The following ITGBL1 variants were observed in gnomAD, a reference collection of about 807,000 sequenced individuals.
ITGBL1 encodes the protein integrin subunit beta like 1, also known as integrin beta-like protein 1.
In ITGBL1, 51 loss-of-function variants were observed where a neutral mutation model predicts 68.5. The observed-to-expected ratio is 0.74, with a 90% CI of 0.59 to 0.94. The LOEUF (loss-of-function observed/expected upper bound fraction) is 0.94, where lower values mean the gene tolerates loss of function less well. Ranked by LOEUF, ITGBL1 falls within the 40% of genes least tolerant of loss-of-function variation. ITGBL1 has a pLI of 0.00. For missense variants in ITGBL1, 649 were observed against 647.4 expected, an observed-to-expected ratio of 1.00 and a Z score of -0.03; for synonymous variants, 209 against 227.3, an observed-to-expected ratio of 0.92 and a Z score of 0.72.
At chr13:101,657,730 C>T (rs895764222) in intron 7 of ITGBL1, among the ~76,000 whole-genome samples, 1 of 152,204 alleles carries the variant, frequency 6.6e-6, no homozygotes, top group African/African-American at 2.4e-5. Context: ...ATGTTGAACA[C>T]TACATGTTCC....
chr13:101,626,895 T>C (rs1302520014), intron 7 of ITGBL1, among the ~76,000 whole-genome samples: 1 of 152,172 alleles, frequency 6.6e-6, no homozygotes, highest in Admixed American at 6.6e-5. Context: ...AATTTAATCT[T>C]AGTGTTTCTT....
At chr13:101,658,251 C>G (rs1015169714) in intron 7 of ITGBL1, among the ~76,000 whole-genome samples, 10 of 152,226 alleles carry the variant, frequency 6.6e-5, no homozygotes, top group African/African-American at 2.4e-4. Flanking sequence ...TAAAATAAAT[C>G]ATTTTCAAAT....
chr13:101,680,549 T>C (rs1452229262), intron 7 of ITGBL1, among the ~76,000 whole-genome samples: 1 of 151,420 alleles, frequency 6.6e-6, no homozygotes, highest in Non-Finnish European at 1.5e-5. Flanking sequence ...TTTTTTTTCA[T>C]AGAAAAGTAC....
intron 3 of ITGBL1, among the ~76,000 whole-genome samples, chr13:101,569,123 C>T (rs1408968928): frequency 1.3e-5 from 2 of 152,010 alleles, no homozygotes; most frequent in Non-Finnish European, 2.9e-5. Context: ...CACACACACG[C>T]GCACGCGCGC....
chr13:101,539,697 A>G (rs900625352), intron 2 of ITGBL1, among the ~76,000 whole-genome samples: 3 of 151,376 alleles, frequency 2.0e-5, no homozygotes, highest in Non-Finnish European at 4.4e-5. Context: ...ATTTCTCCAC[A>G]TCCTCTCCAG....
At chr13:101,513,765 T>C (rs150609692) in intron 2 of ITGBL1, among the ~76,000 whole-genome samples, 83 of 152,180 alleles carry the variant, frequency 5.5e-4, no homozygotes, top group African/African-American at 1.9e-3. Context: ...GACCAACAAG[T>C]AATGAATTGT....
At chr13:101,675,205 T>A (rs1566786253) in intron 7 of ITGBL1, among the ~76,000 whole-genome samples, 2 of 152,174 alleles carry the variant, frequency 1.3e-5, no homozygotes, top group African/African-American at 4.8e-5. Flanking sequence ...TTTTTATCTT[T>A]TACTACTGTA....
At chr13:101,562,425 G>A (rs1001390651) in intron 2 of ITGBL1, among the ~76,000 whole-genome samples, 4 of 151,834 alleles carry the variant, frequency 2.6e-5, no homozygotes, top group South Asian at 2.1e-4. Flanking sequence ...ACTGAGACAC[G>A]ACTAATCTAT....
chr13:101,468,013 G>T (rs748302619), intron 2 of ITGBL1, among the ~76,000 whole-genome samples: 1 of 152,044 alleles, frequency 6.6e-6, no homozygotes, highest in Non-Finnish European at 1.5e-5. Context: ...TGAAAACGTG[G>T]TAAATGCATT....
At chr13:101,580,761 G>A (rs1249825999) in intron 5 of ITGBL1, among the ~76,000 whole-genome samples, 1 of 152,206 alleles carries the variant, frequency 6.6e-6, no homozygotes, top group African/African-American at 2.4e-5. Flanking sequence ...AAAGAGAGAG[G>A]TGGAAAATGG....
At chr13:101,551,328 A>G (rs1226465428) in intron 2 of ITGBL1, among the ~76,000 whole-genome samples, 1 of 152,204 alleles carries the variant, frequency 6.6e-6, no homozygotes. Context: ...TATATTTTGT[A>G]AAGAACAGGA....
At chr13:101,545,954 A>AT (rs1469016814) in intron 2 of ITGBL1, among the ~76,000 whole-genome samples, 3 of 152,224 alleles carry the variant, frequency 2.0e-5, no homozygotes, top group African/African-American at 7.2e-5. Flanking sequence ...ATAAAGAATA[A>AT]TTTTTTAAAA....
At chr13:101,579,470 A>C in intron 5 of ITGBL1, 43 bp downstream of exon 5, 1 of 1,593,310 alleles carries the variant, frequency 6.3e-7, no homozygotes, top group Non-Finnish European at 8.6e-7. Context: ...GGAGGCAAAC[A>C]AAGCTTTTAA....
At chr13:101,708,608 C>T (rs1222397165) in intron 9 of ITGBL1, among the ~76,000 whole-genome samples, 2 of 152,158 alleles carry the variant, frequency 1.3e-5, no homozygotes, top group Non-Finnish European at 2.9e-5. Flanking sequence ...TGTTTTGCCT[C>T]GTATGCAAGA....
intron 2 of ITGBL1, among the ~76,000 whole-genome samples, chr13:101,548,019 T>G (rs1384483789): frequency 1.3e-5 from 2 of 151,862 alleles, no homozygotes; most frequent in Non-Finnish European, 3.0e-5. Flanking sequence ...GTTACCATTT[T>G]AGATGTTTAA....
At chr13:101,474,128 C>T (rs1244312180) in intron 2 of ITGBL1, among the ~76,000 whole-genome samples, 3 of 152,282 alleles carry the variant, frequency 2.0e-5, no homozygotes, top group Non-Finnish European at 2.9e-5. Flanking sequence ...GTTAGAGGAT[C>T]AAGTGAATCC....
At chr13:101,553,759 G>A (rs992785856) in intron 2 of ITGBL1, among the ~76,000 whole-genome samples, 1 of 151,364 alleles carries the variant, frequency 6.6e-6, no homozygotes, top group South Asian at 2.1e-4. Flanking sequence ...TTCTCGGTGT[G>A]CCTGCCGCTG....
chr13:101,607,682 G>C (rs2030935271), intron 7 of ITGBL1, among the ~76,000 whole-genome samples: 1 of 151,932 alleles, frequency 6.6e-6, no homozygotes, highest in Admixed American at 6.6e-5. Flanking sequence ...AAATTATACA[G>C]GTGTGCTCTC....
chr13:101,516,023 T>C lies in ITGBL1; in HGVS notation c.317-51676T>C, dbSNP rs140955337. Among the ~76,000 whole-genome samples, 534 of 152,242 alleles carry C rather than the reference T, an allele frequency of 3.5e-3. 3 individuals are homozygous for C. Among genetic ancestry groups the C allele is most frequent in the Middle Eastern group, 0.014 (4 of 294 alleles). ...TTTTGACTGTGAGACTGCAATGTTG[T>C]GTTGCAGAAGAAAATAAAACAATCT... On this transcript the variant is annotated intron_variant, in intron 2 of 10. Coordinates refer to ENST00000376180, the MANE Select transcript of ITGBL1 (RefSeq NM_004791.3).
Sources: allele counts gnomAD v4.1 joint callset (sites outside exome capture counted in the v4.1 genomes callset), GRCh38; gene constraint gnomAD v4.1.1; transcripts MANE v1.5; gene names NCBI Gene and HGNC (gene_info 2026-07-23, HGNC 2026-07-21).